Variants in FHIT observed in about 807,000 individuals in gnomAD.
FHIT encodes fragile histidine triad diadenosine triphosphatase, also known as bis(5'-adenosyl)-triphosphatase.
A neutral mutation model predicts 17.9 loss-of-function variants in FHIT; 19 were observed. The observed-to-expected ratio is 1.06, with a 90% confidence interval of 0.74 to 1.56. The LOEUF is 1.56. Ranked by LOEUF, FHIT falls within the 40% of genes most tolerant of loss-of-function variation. FHIT has a pLI of 0.00. For missense variants in FHIT, 248 were observed against 189.2 expected, an observed-to-expected ratio of 1.31 and a Z score of -1.82; for synonymous variants, 81 against 69.7, an observed-to-expected ratio of 1.16 and a Z score of -0.81.
chr3:61,013,207 C>G (rs964122007), intron 3 of FHIT, among the ~76,000 whole-genome samples: 1 of 152,116 alleles, frequency 6.6e-6, no homozygotes, highest in African/African-American at 2.4e-5. Flanking sequence ...CTTTGTTTCT[C>G]CTGCCTTGTT....
chr3:60,295,130 G>C (rs1057266962), intron 5 of FHIT, among the ~76,000 whole-genome samples: 4 of 152,102 alleles, frequency 2.6e-5, no homozygotes, highest in Non-Finnish European at 5.9e-5. Context: ...CAGGCCTGTA[G>C]TCCCAGCTAC....
At chr3:60,839,020 T>C (rs1158938210) in intron 3 of FHIT, among the ~76,000 whole-genome samples, 2 of 151,994 alleles carry the variant, frequency 1.3e-5, no homozygotes, top group African/African-American at 4.8e-5. Context: ...TGAGACTGAA[T>C]GCCTGGCTGA....
intron 4 of FHIT, among the ~76,000 whole-genome samples, chr3:60,610,707 C>A (rs932956416): frequency 6.6e-6 from 1 of 152,160 alleles, no homozygotes; most frequent in Admixed American, 6.6e-5. Context: ...TATCAAAACA[C>A]CTTGCGGCTG....
At chr3:61,139,420 A>G (rs2037010065) in intron 2 of FHIT, among the ~76,000 whole-genome samples, 1 of 152,144 alleles carries the variant, frequency 6.6e-6, no homozygotes, top group Non-Finnish European at 1.5e-5. Flanking sequence ...CCTAACCCCC[A>G]ATGTGATGGA....
intron 7 of FHIT, among the ~76,000 whole-genome samples, chr3:60,003,180 G>A (rs1357668395): frequency 6.6e-6 from 1 of 151,960 alleles, no homozygotes; most frequent in Non-Finnish European, 1.5e-5. Context: ...GAAACCCTCA[G>A]GTACAATTCA....
intron 5 of FHIT, chr3:60,077,287 G>A (rs771182270): frequency 6.6e-6 from 1 of 151,994 alleles, no homozygotes; most frequent in African/African-American, 2.4e-5. Context: ...AAGTACACAT[G>A]CATATAAATA....
At chr3:60,949,944 G>C (rs1708805159) in intron 3 of FHIT, among the ~76,000 whole-genome samples, 1 of 152,150 alleles carries the variant, frequency 6.6e-6, no homozygotes, top group African/African-American at 2.4e-5. Flanking sequence ...GTGGAATACA[G>C]TCATGCATCA....
chr3:60,041,123 T>C (rs1042812270), intron 5 of FHIT, among the ~76,000 whole-genome samples: 2 of 152,162 alleles, frequency 1.3e-5, no homozygotes, highest in East Asian at 3.8e-4. Flanking sequence ...GTGCATGAAA[T>C]ATTTTTACAT....
At chr3:59,787,176 G>A (rs1037357571) in intron 8 of FHIT, among the ~76,000 whole-genome samples, 4 of 152,118 alleles carry the variant, frequency 2.6e-5, no homozygotes, top group African/African-American at 7.2e-5. Context: ...CTGAGAGTCA[G>A]AAAGGTTAAC....
intron 2 of FHIT, among the ~76,000 whole-genome samples, chr3:61,134,692 G>T (rs2036863427): frequency 6.6e-6 from 1 of 152,090 alleles, no homozygotes; most frequent in Non-Finnish European, 1.5e-5. Context: ...ATGACTCCAG[G>T]AAGCAGAGAT....
intron 3 of FHIT, among the ~76,000 whole-genome samples, chr3:60,888,972 T>C (rs6788110): frequency 0.28 from 41,813 of 151,998 alleles, 6,946 homozygotes; most frequent in African/African-American, 0.46. Context: ...TATGCCAGTA[T>C]GTTCAATTCT....
chr3:60,732,206 C>G, intron 4 of FHIT: 2 of 819,132 alleles, frequency 2.4e-6, no homozygotes, highest in Admixed American at 1.7e-5. Context: ...TTCCTGGACC[C>G]AAAGTGTTCC....
intron 5 of FHIT, among the ~76,000 whole-genome samples, chr3:60,477,622 A>G (rs1398197030): frequency 2.0e-5 from 3 of 152,338 alleles, no homozygotes; most frequent in African/African-American, 7.2e-5. Flanking sequence ...AAATAATCAC[A>G]TATTATTTTT....
chr3:60,555,654 C>T (rs1377436278), intron 4 of FHIT, among the ~76,000 whole-genome samples: 2 of 152,156 alleles, frequency 1.3e-5, no homozygotes, highest in Non-Finnish European at 2.9e-5. Context: ...GATCTCTAAT[C>T]CTACCCATCT....
intron 5 of FHIT, among the ~76,000 whole-genome samples, chr3:60,284,011 ACAGCTCTG>A (rs1707595533): frequency 6.6e-6 from 1 of 152,070 alleles, no homozygotes; most frequent in South Asian, 2.1e-4. Context: ...GTTGAGATAG[ACAGCTCTG>A]CCCAGGGTCA....
intron 2 of FHIT, among the ~76,000 whole-genome samples, chr3:61,081,252 A>C (rs1439007): frequency 0.36 from 54,965 of 152,018 alleles, 12,549 homozygotes; most frequent in Non-Finnish European, 0.51. Context: ...AAAAACAAGA[A>C]GGGACATGTT....
intron 3 of FHIT, among the ~76,000 whole-genome samples, chr3:60,902,421 A>G (rs1476723809): frequency 2.0e-5 from 3 of 152,196 alleles, no homozygotes; most frequent in African/African-American, 7.2e-5. Flanking sequence ...TGATTTCACA[A>G]ATCACCCATA....
intron 7 of FHIT, among the ~76,000 whole-genome samples, chr3:60,000,484 C>T (rs530213115): frequency 3.4e-4 from 52 of 152,258 alleles, no homozygotes; most frequent in African/African-American, 1.2e-3. Context: ...TACTATCTGG[C>T]CTTTTACAAA....
intron 5 of FHIT, among the ~76,000 whole-genome samples, chr3:60,410,465 G>A (rs186211730): frequency 7.2e-5 from 11 of 152,238 alleles, no homozygotes; most frequent in East Asian, 3.9e-4. Flanking sequence ...AGGTTTTATC[G>A]TGGATAAAAG....
Sources: gnomAD v4.1 joint callset for allele counts (sites outside exome capture counted in the v4.1 genomes callset) on GRCh38, gnomAD v4.1.1 for gene constraint, MANE v1.5 for transcripts, NCBI Gene and HGNC (gene_info 2026-07-23, HGNC 2026-07-21) for gene names.